Variants in MAP2K5 observed in about 807,000 individuals in gnomAD.
MAP2K5 encodes mitogen-activated protein kinase kinase 5.
Under a neutral mutation model 83.1 loss-of-function variants are expected in MAP2K5, and 49 were observed. That is an observed-to-expected ratio of 0.59 (90% CI 0.47 to 0.75). The LOEUF (loss-of-function observed/expected upper bound fraction) is 0.75, where lower values mean the gene tolerates loss of function less well. Ranked by LOEUF, MAP2K5 falls within the 30% of genes least tolerant of loss-of-function variation. The pLI is 0.00. For missense variants in MAP2K5, 457 were observed against 557.5 expected (o/e 0.82, Z 1.82); for synonymous variants, 202 against 191.8 (o/e 1.05, Z -0.44).
At position 67,706,106 on chromosome 15, in the gene MAP2K5, T is replaced by A. The variant is rs1441626789; in HGVS notation, c.1044+2698T>A. On this transcript the variant is annotated intron_variant, in intron 16 of 21. Coordinates refer to ENST00000178640, the MANE Select transcript of MAP2K5 (RefSeq NM_145160.3). ...ACAGGCAGGTGTGGAAACAGGGAGA[T>A]CCGTTTAAGTAGGTAGGAGGACAGG... Among the ~76,000 whole-genome samples, 6 of 152,256 alleles carry A rather than the reference T, an allele frequency of 3.9e-5. No homozygotes were observed. In the East Asian group the frequency reaches 9.6e-4, roughly 24 times the overall value.
intron 8 of MAP2K5, among the ~76,000 whole-genome samples, chr15:67,624,359 A>AAG (rs1194979115): frequency 2.7e-5 from 4 of 149,830 alleles, no homozygotes; most frequent in African/African-American, 7.4e-5. Flanking sequence ...AAAAAAAAAA[A>AAG]GAAGTGGCAC....
rs1005024784 is a variant in MAP2K5 at position 67,747,281 on chromosome 15, C to T, written c.1075-950C>T. 6.6e-6 allele frequency among the ~76,000 whole-genome samples: 1 copy of T among 152,134 alleles called. No individual in the cohort carries two copies. The highest frequency in any genetic ancestry group is 1.9e-4 in the East Asian group (1 of 5,192). On this transcript the variant is annotated intron_variant, in intron 17 of 21. Coordinates refer to ENST00000178640, the MANE Select transcript of MAP2K5 (RefSeq NM_145160.3). This position sits in a 1 kb window ranked among gnomAD's most constrained non-coding sequence, Gnocchi z 4.1. ...ACATATAAGGGATTATTACTAGTTT[C>T]CCTGTATTTTACCGGCTGGTTGGAG...
At chr15:67,593,581 C>A (rs1165528835) in intron 7 of MAP2K5, among the ~76,000 whole-genome samples, 1 of 152,190 alleles carries the variant, frequency 6.6e-6, no homozygotes, top group Non-Finnish European at 1.5e-5. Context: ...TTTAAACATA[C>A]ACTGGTAAAT....
intron 21 of MAP2K5, among the ~76,000 whole-genome samples, chr15:67,796,920 T>C (rs769048717): frequency 6.6e-6 from 1 of 152,178 alleles, no homozygotes; most frequent in Non-Finnish European, 1.5e-5. Context: ...TGCTTGCCTC[T>C]TCTTTTAAGG....
Position 67,773,403 on chromosome 15 carries a change from A to C in MAP2K5, c.1242+651A>C, listed in dbSNP as rs79477628. 2.7e-4 allele frequency among the ~76,000 whole-genome samples: 41 copies of C among 152,354 alleles called. No homozygotes were observed. In the East Asian group the frequency reaches 7.1e-3, roughly 26 times the overall value. ...TGTTAGAATAACGTTAGGATCGAGC[A>C]TTAGTAAATAATAATTATAGTCTAT... On this transcript the variant is annotated intron_variant, in intron 21 of 21. Transcript: ENST00000178640.
In MAP2K5 at chr15:67,629,069, A is replaced by C. The variant is rs540427211; in HGVS notation, c.546-1819A>C. 8.1e-6 allele frequency: 6 copies of C among 740,980 alleles called. No individual in the cohort carries two copies. In the African/African-American group the frequency reaches 1.0e-4, roughly 13 times the overall value. The allele number at this position is 740,980 out of a possible 1,614,324, so 45.9% of individuals were successfully genotyped here. A position where few individuals can be genotyped will look rare whatever the true frequency, so the allele number is the denominator to read the frequency against. On this transcript the variant is annotated intron_variant, in intron 8 of 21. Transcript: ENST00000178640. ...GTGGAGGCCAATACTTTGCCAAACCATGAAACCAAGGTGGCCATGGCGGTT... is the reference window on the plus strand; with the variant it reads ...GTGGAGGCCAATACTTTGCCAAACCCTGAAACCAAGGTGGCCATGGCGGTT...
chr15:67,793,783 T>C lies in MAP2K5; in HGVS notation c.1243-12863T>C, dbSNP rs938893712. ...CACGTTGTATATAAATGTCCAAGTT[T>C]GAAGCAATATGATTATTTTGATCTT... On this transcript the variant is annotated intron_variant, in intron 21 of 21. Transcript: ENST00000178640. The surrounding 1 kb of genome is among the most constrained non-coding windows in gnomAD (Gnocchi z 4.6). Among the ~76,000 whole-genome samples, 1 of 152,212 alleles carries C rather than the reference T, an allele frequency of 6.6e-6. No individual in the cohort carries two copies. The highest frequency in any genetic ancestry group is 1.5e-5 in the Non-Finnish European group (1 of 68,040).
At position 67,676,287 on chromosome 15, in the gene MAP2K5, A is replaced by T. The variant is rs1300660634; in HGVS notation, c.847+11642A>T. ...GTTGGTAGAGGAGTTTATGGCATTG[A>T]TTGTATGCCAGTGGATATTTGTTGG... On this transcript the variant is annotated intron_variant, in intron 13 of 21. Coordinates refer to ENST00000178640, the MANE Select transcript of MAP2K5 (RefSeq NM_145160.3). This position sits in a 1 kb window ranked among gnomAD's most constrained non-coding sequence, Gnocchi z 4.8. Among the ~76,000 whole-genome samples, 1 of 152,204 alleles carries T rather than the reference A, an allele frequency of 6.6e-6. No homozygotes were observed. Among genetic ancestry groups the T allele is most frequent in the Non-Finnish European group, 1.5e-5 (1 of 68,040 alleles).
intron 16 of MAP2K5, among the ~76,000 whole-genome samples, chr15:67,709,294 A>G (rs1267956425): frequency 6.6e-6 from 1 of 152,200 alleles, no homozygotes; most frequent in Non-Finnish European, 1.5e-5. Context: ...GGAAATGCAA[A>G]AAGAAAATAA....
Position 67,748,434 on chromosome 15 carries a change from A to G in MAP2K5, c.1102-135A>G, listed in dbSNP as rs2089651252. 1 of 852,306 alleles carries G rather than the reference A, an allele frequency of 1.2e-6. No individual in the cohort carries two copies. The highest frequency in any genetic ancestry group is 1.7e-5 in the African/African-American group (1 of 58,750). The allele number at this position is 852,306 out of a possible 1,614,324, so 52.8% of individuals were successfully genotyped here. On this transcript the variant is annotated intron_variant, in intron 18 of 21. Coordinates refer to ENST00000178640, the MANE Select transcript of MAP2K5 (RefSeq NM_145160.3). The surrounding 1 kb of genome is among the most constrained non-coding windows in gnomAD (Gnocchi z 4.0). The stretch of plus-strand genomic sequence containing the variant: ...GAAATAATAGAACCTCCTGAGCATC[A>G]ATGTTTTTATAAGAGTTTGCTGTTG...
At chr15:67,729,759 G>A (rs576116861) in intron 17 of MAP2K5, among the ~76,000 whole-genome samples, 7 of 152,230 alleles carry the variant, frequency 4.6e-5, no homozygotes, top group South Asian at 2.1e-4. Flanking sequence ...GCAAGATTCC[G>A]TCTCAAAAAC....
At chr15:67,611,246 A>C (rs533462042) in intron 8 of MAP2K5, among the ~76,000 whole-genome samples, 18 of 152,310 alleles carry the variant, frequency 1.2e-4, no homozygotes, top group African/African-American at 4.3e-4. Flanking sequence ...TAGCCAATGA[A>C]ACTTTATAAG....
intron 16 of MAP2K5, among the ~76,000 whole-genome samples, chr15:67,709,205 C>T (rs562245742): frequency 5.8e-4 from 89 of 152,210 alleles, no homozygotes; most frequent in African/African-American, 2.1e-3. Flanking sequence ...TTTGTGTGGG[C>T]TCACTCTGTA....
At chr15:67,647,868 T>TA (rs34662750) in intron 11 of MAP2K5, among the ~76,000 whole-genome samples, 3 of 150,266 alleles carry the variant, frequency 2.0e-5, no homozygotes, top group Non-Finnish European at 4.4e-5. Context: ...GACTCTGTCT[T>TA]AAAAAAAATA....
Position 67,722,353 on chromosome 15 carries a change from T to C in MAP2K5, c.1045-5563T>C, listed in dbSNP as rs1016226955. Among the ~76,000 whole-genome samples, 27 of 100,184 alleles carry C rather than the reference T, an allele frequency of 2.7e-4. No homozygotes were observed. Among genetic ancestry groups the C allele is most frequent in the Non-Finnish European group, 4.6e-4 (24 of 52,620 alleles). The allele number at this position is 100,184 out of a possible 152,430, so 65.7% of individuals were successfully genotyped here. A position where few individuals can be genotyped will look rare whatever the true frequency, so the allele number is the denominator to read the frequency against. ...GAAGATTAAATTAATTTGTAACTCT[T>C]TTTTTTTTTTTTTGGTCCTGCATTA... is the stretch of plus-strand genomic sequence containing the variant. On this transcript the variant is annotated intron_variant, in intron 16 of 21. Coordinates refer to ENST00000178640, the MANE Select transcript of MAP2K5 (RefSeq NM_145160.3). This position sits in a 1 kb window ranked among gnomAD's most constrained non-coding sequence, Gnocchi z 4.2.
chr15:67,683,560 G>A (rs551171544), intron 13 of MAP2K5, among the ~76,000 whole-genome samples: 21 of 152,196 alleles, frequency 1.4e-4, no homozygotes, highest in African/African-American at 4.6e-4. Context: ...TCAGGAGTTC[G>A]AGACCAGCTT....
At chr15:67,788,771 C>G (rs997691462) in intron 21 of MAP2K5, among the ~76,000 whole-genome samples, 2 of 151,922 alleles carry the variant, frequency 1.3e-5, no homozygotes, top group Admixed American at 6.6e-5. Context: ...CCCAGGAGTT[C>G]GAGACCCGCC....
chr15:67,626,506 G>T (rs117466732), intron 8 of MAP2K5, among the ~76,000 whole-genome samples: 1 of 152,134 alleles, frequency 6.6e-6, no homozygotes, highest in Non-Finnish European at 1.5e-5. Flanking sequence ...TAGTCTGGGC[G>T]ACAGAGCAAG....
chr15:67,645,127 A>G (rs1471028114), intron 9 of MAP2K5, among the ~76,000 whole-genome samples: 1 of 152,118 alleles, frequency 6.6e-6, no homozygotes, highest in Non-Finnish European at 1.5e-5. Context: ...AGCCGAGATC[A>G]TGCCACTGCA....
Sources: gnomAD v4.1 joint callset for allele counts (sites outside exome capture counted in the v4.1 genomes callset) on GRCh38, gnomAD v4.1.1 for gene constraint, Gnocchi (gnomAD v3.1) non-coding constraint, MANE v1.5 for transcripts, NCBI Gene and HGNC (gene_info 2026-07-23, HGNC 2026-07-21) for gene names.